CLIC5: variants seen among roughly 807,000 people sequenced by gnomAD.
CLIC5 encodes the protein chloride intracellular channel protein 5.
A neutral mutation model predicts 24.7 loss-of-function variants in CLIC5; 20 were observed. That is an observed-to-expected ratio of 0.81 (90% CI 0.57 to 1.18). The LOEUF (loss-of-function observed/expected upper bound fraction) is 1.18, where lower values mean the gene tolerates loss of function less well. CLIC5 is among the 50% of genes most tolerant of loss of function. The pLI, the probability that CLIC5 is intolerant of heterozygous loss-of-function variation, is 0.00. For synonymous variants in CLIC5, 159 were observed against 135.6 expected (o/e 1.17, Z -1.20); for missense variants, 341 against 326.1 (o/e 1.05, Z -0.35).
At chr6:46,087,532 C>T in the CLIC5 span, among the ~76,000 whole-genome samples, 1 of 152,048 alleles carries the variant, frequency 6.6e-6, no homozygotes. Context: ...ACCCCAGCAC[C>T]TGACTCTCAG....
chr6:46,013,601 T>G (rs1216614161), intron 1 of CLIC5, among the ~76,000 whole-genome samples: 1 of 152,154 alleles, frequency 6.6e-6, no homozygotes, highest in African/African-American at 2.4e-5. Flanking sequence ...GACAACACAG[T>G]CATTTTAGAA....
At chr6:45,917,628 C>T (rs1763081446) in intron 4 of CLIC5, among the ~76,000 whole-genome samples, 1 of 152,190 alleles carries the variant, frequency 6.6e-6, no homozygotes, top group South Asian at 2.1e-4. Context: ...ATAGACACAA[C>T]ATGCCTGTGT....
the CLIC5 span, among the ~76,000 whole-genome samples, chr6:46,105,230 T>G: frequency 1.8e-3 from 271 of 152,252 alleles, no homozygotes; most frequent in Non-Finnish European, 2.9e-3. Context: ...GGTGGGAGAA[T>G]ATTTTTTGTT....
intron 1 of CLIC5, among the ~76,000 whole-genome samples, chr6:45,966,582 G>A (rs1266797917): frequency 6.6e-6 from 1 of 152,120 alleles, no homozygotes; most frequent in African/African-American, 2.4e-5. Flanking sequence ...GAGTCTCTGG[G>A]CTCAGGAGAT....
intron 1 of CLIC5, among the ~76,000 whole-genome samples, chr6:46,032,003 G>A (rs1324535433): frequency 6.6e-6 from 1 of 150,916 alleles, no homozygotes; most frequent in African/African-American, 2.4e-5. Flanking sequence ...TGGAAGGCTA[G>A]ATACTAAATT....
intron 1 of CLIC5, among the ~76,000 whole-genome samples, chr6:45,974,514 TATATATATAG>T (rs1212092478): frequency 1.1e-3 from 102 of 92,600 alleles, no homozygotes; most frequent in East Asian, 2.0e-3. Context: ...TATATATATA[TATATATATAG>T]AGAGAGAGAG....
exon 1 of CLIC5, chr6:46,080,197 C>G: frequency 6.4e-7 from 1 of 1,551,636 alleles, no homozygotes; most frequent in Non-Finnish European, 8.7e-7. Context: ...TACGTCCTCT[C>G]ATTTTGGATT....
At chr6:45,993,533 G>A (rs1156651054) in intron 1 of CLIC5, among the ~76,000 whole-genome samples, 1 of 152,144 alleles carries the variant, frequency 6.6e-6, no homozygotes, top group South Asian at 2.1e-4. Context: ...AAATATCTGA[G>A]GACCTCAAAT....
At chr6:46,049,481 A>C (rs1768044555) in intron 1 of CLIC5, among the ~76,000 whole-genome samples, 1 of 152,176 alleles carries the variant, frequency 6.6e-6, no homozygotes, top group Non-Finnish European at 1.5e-5. Flanking sequence ...TATAGGAGAC[A>C]ATGAAAGTAC....
At chr6:45,892,999 TTCC>T (rs1762366209) in intron 6 of CLIC5, among the ~76,000 whole-genome samples, 2 of 152,200 alleles carry the variant, frequency 1.3e-5, no homozygotes, top group African/African-American at 4.8e-5. Flanking sequence ...TTTCATTATC[TTCC>T]TCAACACCCT....
chr6:46,098,904 G>A, the CLIC5 span, among the ~76,000 whole-genome samples: 2 of 151,776 alleles, frequency 1.3e-5, no homozygotes, highest in Non-Finnish European at 3.0e-5. Context: ...AGACTGGCTT[G>A]GTGCCAGCGC....
At chr6:45,936,100 T>TA (rs1367186856) in intron 4 of CLIC5, among the ~76,000 whole-genome samples, 2 of 151,866 alleles carry the variant, frequency 1.3e-5, no homozygotes, top group Non-Finnish European at 2.9e-5. Flanking sequence ...CTTAATCATC[T>TA]AAAGATGTAT....
chr6:46,115,230 A>G, the CLIC5 span, among the ~76,000 whole-genome samples: 5 of 152,214 alleles, frequency 3.3e-5, no homozygotes, highest in Non-Finnish European at 7.3e-5. Context: ...AAACAGGAAC[A>G]GTGAGAAGCC....
At chr6:45,964,817 G>A (rs769403305) in intron 1 of CLIC5, among the ~76,000 whole-genome samples, 6 of 152,184 alleles carry the variant, frequency 3.9e-5, no homozygotes, top group Non-Finnish European at 8.8e-5. Flanking sequence ...AAACCACTAA[G>A]TTTTGGGCTG....
intron 1 of CLIC5, among the ~76,000 whole-genome samples, chr6:46,063,457 G>A (rs71566558): frequency 0.046 from 7,070 of 152,276 alleles, 286 homozygotes; most frequent in East Asian, 0.13. Flanking sequence ...GTCTCTCTGA[G>A]TTGAGCAGAC....
At chr6:45,988,472 T>C (rs1264682749) in intron 1 of CLIC5, among the ~76,000 whole-genome samples, 1 of 152,174 alleles carries the variant, frequency 6.6e-6, no homozygotes, top group Non-Finnish European at 1.5e-5. Context: ...AGGATAATGT[T>C]TGATCAACTA....
chr6:46,036,306 C>CTTT (rs67557243), intron 1 of CLIC5, among the ~76,000 whole-genome samples: 51 of 88,182 alleles, frequency 5.8e-4, no homozygotes, highest in African/African-American at 1.4e-3. Flanking sequence ...ACTGCAAGGT[C>CTTT]TTTTTTTTTT....
chr6:46,101,054 A>C, the CLIC5 span, among the ~76,000 whole-genome samples: 1 of 152,216 alleles, frequency 6.6e-6, no homozygotes, highest in South Asian at 2.1e-4. Context: ...ATTGAAATAC[A>C]TCTCATAGAA....
rs35922936 is a variant in CLIC5 at position 45,958,422 on chromosome 6, TTATATATATATATATA to T, written c.64-3194_64-3179del. Among the ~76,000 whole-genome samples the T allele has an allele frequency of 7.2e-3, 60 of 8,376 alleles. 1 individual carries two copies. In the South Asian group the frequency reaches 0.083, roughly 12 times the overall value. The allele number at this position is 8,376 out of a possible 152,430, so 5.5% of individuals were successfully genotyped here. ...AATCAGGGAAGTGTCAAAAAGACAA[TTATATATATATATATA>T]TATATATATATATATATATATATAT... is the stretch of plus-strand genomic sequence containing the variant. On this transcript the variant is annotated intron_variant, in intron 1 of 5. Transcript: ENST00000339561.
Sources: allele counts gnomAD v4.1 joint callset (sites outside exome capture counted in the v4.1 genomes callset), GRCh38; gene constraint gnomAD v4.1.1; transcripts MANE v1.5; gene names NCBI Gene and HGNC (gene_info 2026-07-23, HGNC 2026-07-21).